GABRA1: variants seen among roughly 807,000 people sequenced by gnomAD.
GABRA1 encodes gamma-aminobutyric acid receptor subunit alpha-1.
GABRA1 carries 9 observed loss-of-function variants against 48.9 expected under a neutral mutation model. The observed-to-expected ratio is 0.18, with a 90% CI of 0.11 to 0.32. The LOEUF (loss-of-function observed/expected upper bound fraction) is 0.32. Ranked by LOEUF, GABRA1 falls within the 10% of genes least tolerant of loss-of-function variation. The pLI is 1.00. For synonymous variants in GABRA1, 210 were observed against 198.7 expected (o/e 1.06, Z -0.48); for missense variants, 285 against 553.8 (o/e 0.51, Z 4.87).
At chr5:161,871,953 G>A (rs1040041658) in intron 4 of GABRA1, among the ~76,000 whole-genome samples, 1 of 152,136 alleles carries the variant, frequency 6.6e-6, no homozygotes, top group Non-Finnish European at 1.5e-5. Context: ...CCTTCACCCA[G>A]TATTGCTTAA....
chr5:161,878,214 A>G (rs981746334), intron 6 of GABRA1, among the ~76,000 whole-genome samples: 1 of 152,164 alleles, frequency 6.6e-6, no homozygotes, highest in Admixed American at 6.6e-5. Context: ...AGAGAGTGTA[A>G]GACCTGTGGG....
intron 5 of GABRA1, among the ~76,000 whole-genome samples, chr5:161,874,378 G>C (rs981938513): frequency 6.6e-6 from 1 of 152,038 alleles, no homozygotes; most frequent in Non-Finnish European, 1.5e-5. Flanking sequence ...AGGACCAATG[G>C]ACACATGTGT....
intron 5 of GABRA1, among the ~76,000 whole-genome samples, chr5:161,873,660 C>T (rs1338040039): frequency 2.0e-5 from 3 of 151,890 alleles, no homozygotes; most frequent in Non-Finnish European, 4.4e-5. Context: ...TTCTAGAAGC[C>T]ATCTAATGAT....
intron 1 of GABRA1, chr5:161,848,930 T>G: frequency 2.2e-6 from 1 of 454,698 alleles, no homozygotes; most frequent in Non-Finnish European, 4.4e-6. Context: ...AATTGCCTGT[T>G]TTTCCCTTTC....
At chr5:161,853,834 ATT>A (rs34288369) in intron 2 of GABRA1, 3 of 181,400 alleles carry the variant, frequency 1.7e-5, no homozygotes, top group East Asian at 1.4e-4. Context: ...TGTTTTCTCT[ATT>A]TTTTTTTATG....
chr5:161,866,017 C>A lies in GABRA1; in HGVS notation c.255+229C>A, dbSNP rs190471032. On this transcript the variant is annotated intron_variant, in intron 4 of 9. Transcript: ENST00000393943. ...CATGATTTTCAACCACTGCAGTCAT[C>A]TTTTTTTAAAAAATATTTTAAATGA... Among the ~76,000 whole-genome samples, 41 of 151,992 alleles carry A rather than the reference C, an allele frequency of 2.7e-4. 1 individual carries two copies. The East Asian group carries it at 7.6e-3, about 28-fold the overall frequency.
intron 2 of GABRA1, chr5:161,853,846 G>T: frequency 5.2e-6 from 1 of 193,680 alleles, no homozygotes. Flanking sequence ...TTTTTTTTAT[G>T]TGCATTAGCA....
At chr5:161,893,464 T>C (rs966514163) in intron 8 of GABRA1, among the ~76,000 whole-genome samples, 3 of 152,088 alleles carry the variant, frequency 2.0e-5, no homozygotes, top group African/African-American at 7.2e-5. Context: ...TTTTCTGAGC[T>C]CTGTGAGAAG....
At chr5:161,857,282 T>C (rs1303434042) in intron 3 of GABRA1, among the ~76,000 whole-genome samples, 1 of 151,360 alleles carries the variant, frequency 6.6e-6, no homozygotes, top group African/African-American at 2.4e-5. Flanking sequence ...TGCTTCTGAA[T>C]GTCCTCAGGA....
intron 4 of GABRA1, among the ~76,000 whole-genome samples, chr5:161,868,974 T>G (rs993234512): frequency 1.1e-4 from 17 of 152,198 alleles, no homozygotes; most frequent in African/African-American, 4.1e-4. Flanking sequence ...AAGACAATGT[T>G]TCAATTGCTC....
chr5:161,888,798 G>C (rs571821860), intron 7 of GABRA1, among the ~76,000 whole-genome samples: 16 of 151,956 alleles, frequency 1.1e-4, no homozygotes, highest in Admixed American at 9.2e-4. Context: ...TATCACTAGA[G>C]GAACACACAG....
At chr5:161,856,516 A>G (rs1267861633) in intron 3 of GABRA1, among the ~76,000 whole-genome samples, 1 of 151,388 alleles carries the variant, frequency 6.6e-6, no homozygotes, top group African/African-American at 2.4e-5. Flanking sequence ...ATTCCTGGTA[A>G]CAATGCCTTT....
At chr5:161,886,634 G>A (rs1754858854) in intron 7 of GABRA1, among the ~76,000 whole-genome samples, 1 of 151,896 alleles carries the variant, frequency 6.6e-6, no homozygotes, top group Non-Finnish European at 1.5e-5. Flanking sequence ...AAATTAGCTG[G>A]CCATGGTGTT....
intron 3 of GABRA1, among the ~76,000 whole-genome samples, chr5:161,859,887 G>A (rs567185360): frequency 6.6e-6 from 1 of 151,674 alleles, no homozygotes; most frequent in African/African-American, 2.4e-5. Context: ...TGTTTTTGCT[G>A]TGTTTACTTT....
intron 4 of GABRA1, among the ~76,000 whole-genome samples, chr5:161,871,765 A>G (rs1369743849): frequency 6.6e-6 from 1 of 152,206 alleles, no homozygotes; most frequent in Non-Finnish European, 1.5e-5. Flanking sequence ...GAAACAAGGT[A>G]ACTTGTCTTG....
At chr5:161,854,565 A>G (rs1483981902) in intron 3 of GABRA1, among the ~76,000 whole-genome samples, 1 of 151,694 alleles carries the variant, frequency 6.6e-6, no homozygotes, top group Non-Finnish European at 1.5e-5. Context: ...AACTGGGATA[A>G]TATTCTATCT....
In GABRA1 at chr5:161,873,247, A is replaced by G. The variant is rs1265026103; in HGVS notation, c.386A>G (p.His129Arg). The G allele has an allele frequency of 3.7e-6, 6 of 1,613,954 alleles. No homozygotes were observed. Among genetic ancestry groups the G allele is most frequent in the Non-Finnish European group, 4.2e-6 (5 of 1,179,868 alleles). Reference protein sequence around the residue: ...SKIWTPDTFFHNGKKSVAHNM... With the variant: ...SKIWTPDTFFRNGKKSVAHNM... ...ATCTGGACTCCGGACACATTTTTCC[A>G]CAATGGAAAGAAGTCAGTGGCCCAC... The change falls in exon 5 of 10, where the codon CAC becomes CGC. Residue 129 changes from histidine to arginine, a missense_variant. Transcript: ENST00000393943.
chr5:161,847,611 C>T (rs1757263628), upstream of GABRA1: 3 of 152,140 alleles, frequency 2.0e-5, no homozygotes, highest in Non-Finnish European at 4.4e-5. Flanking sequence ...TCTTTCCTAC[C>T]ATCCGTCACC....
intron 3 of GABRA1, among the ~76,000 whole-genome samples, chr5:161,855,199 T>A (rs1467756268): frequency 6.6e-6 from 1 of 151,648 alleles, no homozygotes; most frequent in Non-Finnish European, 1.5e-5. Flanking sequence ...CCACTTCTTC[T>A]TCATTTAGAC....
Sources: gnomAD v4.1 joint callset for allele counts (sites outside exome capture counted in the v4.1 genomes callset) on GRCh38, gnomAD v4.1.1 for gene constraint, MANE v1.5 for transcripts, NCBI Gene and HGNC (gene_info 2026-07-23, HGNC 2026-07-21) for gene names.